Variants in PACS1 observed in about 807,000 individuals in gnomAD.
PACS1 encodes PACS-1.
In PACS1, 24 loss-of-function variants were observed where a neutral mutation model predicts 115.0. That is an observed-to-expected ratio of 0.21 (90% CI 0.15 to 0.29). The LOEUF (loss-of-function observed/expected upper bound fraction) is 0.29. Among genes scored for constraint, PACS1 ranks in the 10% least tolerant of loss-of-function variants. The pLI is 1.00. For missense variants in PACS1, 838 were observed against 1,251.2 expected, an observed-to-expected ratio of 0.67 and a Z score of 4.98; for synonymous variants, 453 against 504.5, an observed-to-expected ratio of 0.90 and a Z score of 1.37.
At chr11:66,149,250 CAT>C (rs1433058821) in intron 1 of PACS1, among the ~76,000 whole-genome samples, 1 of 152,004 alleles carries the variant, frequency 6.6e-6, no homozygotes, top group Non-Finnish European at 1.5e-5. Flanking sequence ...CGCCACCACA[CAT>C]GACTAATTTT....
At chr11:66,122,543 A>G (rs1393347292) in intron 1 of PACS1, among the ~76,000 whole-genome samples, 1 of 152,232 alleles carries the variant, frequency 6.6e-6, no homozygotes, top group African/African-American at 2.4e-5. Flanking sequence ...GAAGGGATTC[A>G]CCATTTTAGA....
chr11:66,219,161 G>C (rs148068745), intron 7 of PACS1, among the ~76,000 whole-genome samples: 1 of 151,968 alleles, frequency 6.6e-6, no homozygotes, highest in South Asian at 2.1e-4. Context: ...TCAGCTGAAG[G>C]CTGTTGCTAT....
intron 10 of PACS1, among the ~76,000 whole-genome samples, chr11:66,226,639 C>T (rs1389742693): frequency 6.6e-6 from 1 of 152,072 alleles, no homozygotes; most frequent in African/African-American, 2.4e-5. Flanking sequence ...ACTAGGTGAC[C>T]CTGAACTTAC....
intron 11 of PACS1, 34 bp from the exon 12 acceptor site, chr11:66,230,514 G>A (rs1855567644): frequency 1.3e-6 from 2 of 1,489,908 alleles, no homozygotes; most frequent in Non-Finnish European, 1.9e-6. Flanking sequence ...CTGAGTGGGA[G>A]GTCATCTTCA....
chr11:66,081,449 CAAACA>C, intron 1 of PACS1, among the ~76,000 whole-genome samples: 1 of 152,204 alleles, frequency 6.6e-6, no homozygotes, highest in South Asian at 2.1e-4. Context: ...ACAAACAAAA[CAAACA>C]AAACAAACAT....
intron 1 of PACS1, among the ~76,000 whole-genome samples, chr11:66,075,803 A>C (rs1857385684): frequency 6.9e-6 from 1 of 144,294 alleles, no homozygotes; most frequent in Admixed American, 7.3e-5. Flanking sequence ...CAGTGGCGCG[A>C]TCTGGCTCAC....
intron 1 of PACS1, among the ~76,000 whole-genome samples, chr11:66,071,746 T>C (rs1857313237): frequency 6.6e-6 from 1 of 152,286 alleles, no homozygotes; most frequent in African/African-American, 2.4e-5. Context: ...CTGAGTTGAT[T>C]CTGTTGCCTT....
At chr11:66,183,932 C>T (rs1860060841) in intron 1 of PACS1, among the ~76,000 whole-genome samples, 1 of 152,196 alleles carries the variant, frequency 6.6e-6, no homozygotes, top group Admixed American at 6.5e-5. Flanking sequence ...CAATGGTAAA[C>T]TAACATACAC....
intron 2 of PACS1, among the ~76,000 whole-genome samples, chr11:66,199,902 C>A (rs745525183): frequency 6.6e-6 from 1 of 151,960 alleles, no homozygotes; most frequent in Non-Finnish European, 1.5e-5. Context: ...ACCTGTAATC[C>A]CAGCTACTCG....
intron 11 of PACS1, among the ~76,000 whole-genome samples, chr11:66,228,944 G>A (rs1855522997): frequency 1.3e-5 from 2 of 152,096 alleles, no homozygotes; most frequent in South Asian, 4.1e-4. Flanking sequence ...AGGCAGGTGT[G>A]CGGCCTGTAT....
intron 10 of PACS1, among the ~76,000 whole-genome samples, chr11:66,222,932 C>T (rs1045183570): frequency 6.6e-5 from 10 of 151,920 alleles, no homozygotes; most frequent in Non-Finnish European, 1.2e-4. Context: ...GCATGGGAAA[C>T]TGCAGCCCAA....
chr11:66,195,256 G>A (rs1255221343), intron 2 of PACS1, among the ~76,000 whole-genome samples: 2 of 152,148 alleles, frequency 1.3e-5, no homozygotes, highest in African/African-American at 4.8e-5. Context: ...AATTACTCAT[G>A]AATTCCTGTG....
intron 1 of PACS1, among the ~76,000 whole-genome samples, chr11:66,077,703 G>GT (rs34935652): frequency 0.89 from 116,332 of 131,250 alleles, 52,900 homozygotes; most frequent in Non-Finnish European, 0.97. Flanking sequence ...TTGTAAGTTT[G>GT]TTTTTTTTTT....
chr11:66,239,476 C>T (rs1230818458), intron 21 of PACS1, among the ~76,000 whole-genome samples, 199 bp downstream of exon 21: 2 of 151,850 alleles, frequency 1.3e-5, no homozygotes, highest in African/African-American at 2.4e-5. Context: ...GCCATGACTG[C>T]GCCACTGCAC....
intron 11 of PACS1, among the ~76,000 whole-genome samples, chr11:66,228,415 T>C (rs192528680): frequency 6.6e-6 from 1 of 152,324 alleles, no homozygotes; most frequent in African/African-American, 2.4e-5. Flanking sequence ...GTATTTAGGC[T>C]TGATTCAAGA....
intron 22 of PACS1, 127 bp from the exon 23 acceptor site, chr11:66,242,785 A>C: frequency 8.0e-7 from 1 of 1,255,610 alleles, no homozygotes; most frequent in Non-Finnish European, 1.1e-6. Flanking sequence ...GCCCAGTGCC[A>C]GGGAGGAGGG....
intron 1 of PACS1, among the ~76,000 whole-genome samples, chr11:66,160,706 G>A (rs1293914190): frequency 2.0e-5 from 3 of 148,960 alleles, no homozygotes; most frequent in Non-Finnish European, 4.5e-5. Context: ...GTGAGGGTGG[G>A]GATGACGTCT....
intron 1 of PACS1, among the ~76,000 whole-genome samples, chr11:66,089,742 C>T (rs1857626428): frequency 2.0e-5 from 3 of 151,908 alleles, no homozygotes; most frequent in African/African-American, 7.3e-5. Flanking sequence ...CGCGATGGCT[C>T]ACGTCTGTAA....
intron 1 of PACS1, among the ~76,000 whole-genome samples, chr11:66,082,551 ATGTT>A (rs936953752): frequency 6.6e-6 from 1 of 151,938 alleles, no homozygotes; most frequent in Admixed American, 6.6e-5. Context: ...GATAGATAAA[ATGTT>A]TGTTTGTAAA....
Sources: allele counts gnomAD v4.1 joint callset (sites outside exome capture counted in the v4.1 genomes callset), GRCh38; gene constraint gnomAD v4.1.1; transcripts MANE v1.5; gene names NCBI Gene and HGNC (gene_info 2026-07-23, HGNC 2026-07-21).